The following SYT5 variants were observed in gnomAD, a reference collection of about 807,000 sequenced individuals.
SYT5 encodes the protein synaptotagmin 5, also known as synaptotagmin-5.
A neutral mutation model predicts 36.0 loss-of-function variants in SYT5; 29 were observed. The observed-to-expected ratio is 0.81, with a 90% CI of 0.60 to 1.10. The LOEUF (loss-of-function observed/expected upper bound fraction) is 1.10, where lower values mean the gene tolerates loss of function less well. SYT5 is among the 50% of genes least tolerant of loss of function. The pLI is 0.00. For missense variants in SYT5, 512 were observed against 516.0 expected, an observed-to-expected ratio of 0.99 and a Z score of 0.08; for synonymous variants, 231 against 227.6, an observed-to-expected ratio of 1.02 and a Z score of -0.14.
intron 7 of SYT5, 112 bp downstream of exon 7, chr19:55,174,770 A>G (rs2071574): frequency 0.055 from 85,786 of 1,571,340 alleles, 7,292 homozygotes; most frequent in Admixed American, 0.35. Flanking sequence ...TGCCTTCCAC[A>G]GCAGCCAGGT....
At position 55,175,414 on chromosome 19, in the gene SYT5, A is replaced by C; in HGVS notation, c.541-75T>G. 1 of 1,434,652 alleles carries C rather than the reference A, an allele frequency of 7.0e-7. No individual in the cohort carries two copies. The highest frequency in any genetic ancestry group is 9.2e-7 in the Non-Finnish European group (1 of 1,083,906). The allele number at this position is 1,434,652 out of a possible 1,614,324, so 88.9% of individuals were successfully genotyped here. A position where few individuals can be genotyped will look rare whatever the true frequency, so the allele number is the denominator to read the frequency against. On this transcript the variant is annotated intron_variant, in intron 5 of 8. Coordinates refer to ENST00000354308, the MANE Select transcript of SYT5 (RefSeq NM_003180.3). This position sits in a 1 kb window ranked among gnomAD's most constrained non-coding sequence, Gnocchi z 4.5. ...GTGAGGCACAGCACAACCAGAAGGA[A>C]GGCATGGAGTGAGGCAGCGAGGGTC...
chr19:55,177,748 G>T (rs758556507), intron 3 of SYT5, among the ~76,000 whole-genome samples: 3 of 152,136 alleles, frequency 2.0e-5, no homozygotes, highest in Non-Finnish European at 4.4e-5. Context: ...TAGAGACAGG[G>T]TTTCATCATG....
At chr19:55,176,235 A>T (rs550056390) in intron 3 of SYT5, 111 bp from the exon 4 acceptor site, 121 of 1,467,310 alleles carry the variant, frequency 8.2e-5, no homozygotes, top group East Asian at 8.2e-4. Flanking sequence ...CTGAGCTCTC[A>T]CAGGCTAAGC....
chr19:55,173,871 G>A lies in SYT5; in HGVS notation c.961-187C>T. On this transcript the variant is annotated intron_variant, in intron 8 of 8. Coordinates refer to ENST00000354308, the MANE Select transcript of SYT5 (RefSeq NM_003180.3). This position sits in a 1 kb window ranked among gnomAD's most constrained non-coding sequence, Gnocchi z 5.4. ...GAGCCTGCGGCGAGGAGGAGGCTCT[G>A]GCGCCTTTCTTCCTGCGCAGCCAGG... The A allele has an allele frequency of 2.0e-6, 1 of 505,438 alleles. No homozygotes were observed. 31.3% of individuals were successfully genotyped at this position (505,438 alleles called of 1,614,324 possible). A position where few individuals can be genotyped will look rare whatever the true frequency, so the allele number is the denominator to read the frequency against.
In SYT5 at chr19:55,172,859, T is replaced by C. The variant is rs983504712; in HGVS notation, c.*625A>G. Reference sequence around the variant, plus strand: ...TCTCGCGGACTCCTCACAGCCAGCGTGTGGCAGGAATTATTATTATCCCAA... The same window carrying C: ...TCTCGCGGACTCCTCACAGCCAGCGCGTGGCAGGAATTATTATTATCCCAA... On this transcript the variant is annotated 3_prime_UTR_variant, in exon 9 of 9. Transcript: ENST00000354308. The C allele has an allele frequency of 6.6e-6, 1 of 152,176 alleles. No individual in the cohort carries two copies. The highest frequency in any genetic ancestry group is 2.4e-5 in the African/African-American group (1 of 41,420). 9.4% of individuals were successfully genotyped at this position (152,176 alleles called of 1,614,324 possible).
At position 55,173,444 on chromosome 19, in the gene SYT5, G is replaced by A. The variant is rs2147324444; in HGVS notation, c.*40C>T. On this transcript the variant is annotated 3_prime_UTR_variant, in exon 9 of 9. Coordinates refer to ENST00000354308, the MANE Select transcript of SYT5 (RefSeq NM_003180.3). This position sits in a 1 kb window ranked among gnomAD's most constrained non-coding sequence, Gnocchi z 5.4. ...GCCGGTCTCGGGAGTCTGGGGTCAGGGGCTAGAGTCCAGGCTTGGCCGGGG... is the reference window on the plus strand; with the variant it reads ...GCCGGTCTCGGGAGTCTGGGGTCAGAGGCTAGAGTCCAGGCTTGGCCGGGG... 3 of 1,326,094 alleles carry A rather than the reference G, an allele frequency of 2.3e-6. No individual in the cohort carries two copies. Among genetic ancestry groups the A allele is most frequent in the Non-Finnish European group, 2.9e-6 (3 of 1,038,748 alleles). 82.1% of individuals were successfully genotyped at this position (1,326,094 alleles called of 1,614,324 possible). A position where few individuals can be genotyped will look rare whatever the true frequency, so the allele number is the denominator to read the frequency against.
In SYT5 at chr19:55,175,703, G is replaced by C. The variant is rs763406432; in HGVS notation, c.540+6C>G. 5 of 1,612,808 alleles carry C rather than the reference G, an allele frequency of 3.1e-6. No homozygotes were observed. The South Asian group carries it at 5.5e-5, about 18-fold the overall frequency. On this transcript the variant is annotated splice_donor_region_variant and intron_variant, in intron 5 of 8. Coordinates refer to ENST00000354308, the MANE Select transcript of SYT5 (RefSeq NM_003180.3). The surrounding 1 kb of genome is among the most constrained non-coding windows in gnomAD (Gnocchi z 4.5). ...TGGAACACGGGGCCTGAAGGCAGGA[G>C]CTCACCTTGAAGGCGAAGGTCTCCC...
At position 55,173,374 on chromosome 19, in the gene SYT5, G is replaced by A. The variant is rs1054773077; in HGVS notation, c.*110C>T. 166 of 891,250 alleles carry A rather than the reference G, an allele frequency of 1.9e-4. No homozygotes were observed. The highest frequency in any genetic ancestry group is 2.5e-4 in the Non-Finnish European group (161 of 657,076). The allele number at this position is 891,250 out of a possible 1,614,324, so 55.2% of individuals were successfully genotyped here. On this transcript the variant is annotated 3_prime_UTR_variant, in exon 9 of 9. Coordinates refer to ENST00000354308, the MANE Select transcript of SYT5 (RefSeq NM_003180.3). This position sits in a 1 kb window ranked among gnomAD's most constrained non-coding sequence, Gnocchi z 5.4. Reference sequence around the variant, plus strand: ...TGGTTGGGGTGGAAGGTGGGGGGAGGGTAACCGTCAGAGGAAGCTTAAGGG... The same window carrying A: ...TGGTTGGGGTGGAAGGTGGGGGGAGAGTAACCGTCAGAGGAAGCTTAAGGG...
Position 55,179,898 on chromosome 19 carries a change from G to C in SYT5, c.-46+219C>G, listed in dbSNP as rs1451065785. ...CCCTATCGCCTGGCCTCTGTCTCCA[G>C]GGTCTCTCCCTCTCCCCTCCGCCTG... On this transcript the variant is annotated intron_variant, in intron 1 of 8. Transcript: ENST00000354308. This position sits in a 1 kb window ranked among gnomAD's most constrained non-coding sequence, Gnocchi z 4.5. 6.5e-6 allele frequency: 1 copy of C among 153,080 alleles called. No homozygotes were observed. The highest frequency in any genetic ancestry group is 1.5e-5 in the Non-Finnish European group (1 of 68,706). 9.5% of individuals were successfully genotyped at this position (153,080 alleles called of 1,614,324 possible).
At position 55,171,308 on chromosome 19, in the gene SYT5, CA is replaced by C; in HGVS notation, c.*2175del. On this transcript the variant is annotated 3_prime_UTR_variant, in exon 9 of 9. Coordinates refer to ENST00000354308, the MANE Select transcript of SYT5 (RefSeq NM_003180.3). ...TTCATAAAGACATGCTCTACAGCCA[CA>C]CACACACACACACACACACACACAC... The C allele has an allele frequency of 3.5e-5, 1 of 28,428 alleles. No homozygotes were observed. Among genetic ancestry groups the C allele is most frequent in the Non-Finnish European group, 5.3e-5 (1 of 18,846 alleles). 1.8% of individuals were successfully genotyped at this position (28,428 alleles called of 1,614,324 possible). A position where few individuals can be genotyped will look rare whatever the true frequency, so the allele number is the denominator to read the frequency against.
intron 8 of SYT5, among the ~76,000 whole-genome samples, chr19:55,174,265 A>G (rs1328125965): frequency 1.3e-5 from 2 of 151,158 alleles, no homozygotes; most frequent in Non-Finnish European, 3.0e-5. Flanking sequence ...CTTAGGGTGG[A>G]GCATCTGGTA....
At position 55,175,965 on chromosome 19, in the gene SYT5, G is replaced by T; in HGVS notation, c.372+40C>A. ...CCTTTCAGAAGGGGTTGGAACCCCC[G>T]GGATCCTCCCTCCAAAGCTTCCCCT... On this transcript the variant is annotated intron_variant, in intron 4 of 8. Transcript: ENST00000354308. The surrounding 1 kb of genome is among the most constrained non-coding windows in gnomAD (Gnocchi z 4.5). 6.2e-7 allele frequency: 1 copy of T among 1,613,636 alleles called. No homozygotes were observed. The highest frequency in any genetic ancestry group is 8.5e-7 in the Non-Finnish European group (1 of 1,179,846).
rs1419095640 is a variant in SYT5, at chr19:55,179,215, T to C, written c.-45-129A>G. 5 of 1,519,144 alleles carry C rather than the reference T, an allele frequency of 3.3e-6. No homozygotes were observed. In the South Asian group the frequency reaches 4.9e-5, roughly 15 times the overall value. The allele number at this position is 1,519,144 out of a possible 1,614,324, so 94.1% of individuals were successfully genotyped here. On this transcript the variant is annotated intron_variant, in intron 1 of 8. Transcript: ENST00000354308. The surrounding 1 kb of genome is among the most constrained non-coding windows in gnomAD (Gnocchi z 4.5). ...AGCCACCGCGAGTCATGCTGGGAGTTGTAGTATCAGCCTCCCCGCACTTGA... is the reference window on the plus strand; with the variant it reads ...AGCCACCGCGAGTCATGCTGGGAGTCGTAGTATCAGCCTCCCCGCACTTGA...
chr19:55,179,359 C>T lies in SYT5; in HGVS notation c.-45-273G>A. ...CCCTCCGCAGGGTCTGAACCGGAAG[C>T]GGGCGAAGGCAGACGTGGGAACCAG... is the stretch of plus-strand genomic sequence containing the variant. On this transcript the variant is annotated intron_variant, in intron 1 of 8. Transcript: ENST00000354308. This position sits in a 1 kb window ranked among gnomAD's most constrained non-coding sequence, Gnocchi z 4.5. The T allele has an allele frequency of 1.2e-6, 1 of 866,442 alleles. No individual in the cohort carries two copies. Among genetic ancestry groups the T allele is most frequent in the Non-Finnish European group, 1.6e-6 (1 of 629,400 alleles). 53.7% of individuals were successfully genotyped at this position (866,442 alleles called of 1,614,324 possible).
In SYT5 at chr19:55,174,623, TGCA is replaced by T; in HGVS notation, c.851_853del (p.Leu284del). On this transcript the variant is annotated inframe_deletion, in exon 8 of 9. Transcript: ENST00000354308. Reference sequence around the variant, plus strand: ...CTTCTTCCGCACCTTTTTGCCGCCCTGCAGCAGGTGGACCTTGACGTATGGATC... The same window carrying T: ...CTTCTTCCGCACCTTTTTGCCGCCCTGCAGGTGGACCTTGACGTATGGATC... 1 of 1,614,086 alleles carries T rather than the reference TGCA, an allele frequency of 6.2e-7. No homozygotes were observed. Among genetic ancestry groups the T allele is most frequent in the Non-Finnish European group, 8.5e-7 (1 of 1,179,994 alleles).
chr19:55,173,191 C>G lies in SYT5; in HGVS notation c.*293G>C, dbSNP rs1171311480. The G allele has an allele frequency of 5.5e-6, 2 of 361,336 alleles. No individual in the cohort carries two copies. The highest frequency in any genetic ancestry group is 9.9e-6 in the Non-Finnish European group (2 of 202,302). 22.4% of individuals were successfully genotyped at this position (361,336 alleles called of 1,614,324 possible). On this transcript the variant is annotated 3_prime_UTR_variant, in exon 9 of 9. Transcript: ENST00000354308. The surrounding 1 kb of genome is among the most constrained non-coding windows in gnomAD (Gnocchi z 5.4). ...AGAGCAGACGAGGATGGCTGATTGT[C>G]AAAGCAGGGGGCAGGACCCGGGGGC... is the stretch of plus-strand genomic sequence containing the variant.
At position 55,175,485 on chromosome 19, in the gene SYT5, A is replaced by C; in HGVS notation, c.541-146T>G. 3 of 1,129,682 alleles carry C rather than the reference A, an allele frequency of 2.7e-6. No homozygotes were observed. In the South Asian group the frequency reaches 4.9e-5, roughly 18 times the overall value. 70.0% of individuals were successfully genotyped at this position (1,129,682 alleles called of 1,614,324 possible). On this transcript the variant is annotated intron_variant, in intron 5 of 8. Coordinates refer to ENST00000354308, the MANE Select transcript of SYT5 (RefSeq NM_003180.3). The surrounding 1 kb of genome is among the most constrained non-coding windows in gnomAD (Gnocchi z 4.5). ...CTCAAATGGGAAAGTCCAGGGATCC[A>C]TGCGGAAAAAAATCACGGGTCAGTG...
rs2086065230 is a variant in SYT5, at chr19:55,175,465, A to G, written c.541-126T>C. The G allele has an allele frequency of 8.5e-7, 1 of 1,179,996 alleles. No homozygotes were observed. Among genetic ancestry groups the G allele is most frequent in the Admixed American group, 2.9e-5 (1 of 34,378 alleles). The allele number at this position is 1,179,996 out of a possible 1,614,324, so 73.1% of individuals were successfully genotyped here. Reference sequence around the variant, plus strand: ...GAAGCGAACAGTTGGGGGAACTCAAATGGGAAAGTCCAGGGATCCATGCGG... The same window carrying G: ...GAAGCGAACAGTTGGGGGAACTCAAGTGGGAAAGTCCAGGGATCCATGCGG... On this transcript the variant is annotated intron_variant, in intron 5 of 8. Transcript: ENST00000354308. The surrounding 1 kb of genome is among the most constrained non-coding windows in gnomAD (Gnocchi z 4.5).
At position 55,175,394 on chromosome 19, in the gene SYT5, GCACAGCACAA is replaced by G; in HGVS notation, c.541-65_541-56del. 1 of 1,477,930 alleles carries G rather than the reference GCACAGCACAA, an allele frequency of 6.8e-7. No individual in the cohort carries two copies. Among genetic ancestry groups the G allele is most frequent in the South Asian group, 1.4e-5 (1 of 72,398 alleles). The allele number at this position is 1,477,930 out of a possible 1,614,324, so 91.6% of individuals were successfully genotyped here. ...AGCAGGAAGTCAGAGATAGGGTGAG[GCACAGCACAA>G]CCAGAAGGAAGGCATGGAGTGAGGC... On this transcript the variant is annotated intron_variant, in intron 5 of 8. Coordinates refer to ENST00000354308, the MANE Select transcript of SYT5 (RefSeq NM_003180.3). The surrounding 1 kb of genome is among the most constrained non-coding windows in gnomAD (Gnocchi z 4.5).
Sources: gnomAD v4.1 joint callset for allele counts (sites outside exome capture counted in the v4.1 genomes callset) on GRCh38, gnomAD v4.1.1 for gene constraint, Gnocchi (gnomAD v3.1) non-coding constraint, MANE v1.5 for transcripts, NCBI Gene and HGNC (gene_info 2026-07-23, HGNC 2026-07-21) for gene names.